Variants in KLF12 observed in about 807,000 individuals in gnomAD.
KLF12 encodes the protein Krueppel-like factor 12.
A neutral mutation model predicts 37.8 loss-of-function variants in KLF12; 9 were observed. The observed-to-expected ratio is 0.24, with a 90% CI of 0.14 to 0.42. The LOEUF (loss-of-function observed/expected upper bound fraction) is 0.42, where lower values mean the gene tolerates loss of function less well. Among genes scored for constraint, KLF12 ranks in the 10% least tolerant of loss-of-function variants. KLF12 has a pLI of 1.00. For synonymous variants in KLF12, 208 were observed against 202.1 expected (o/e 1.03, Z -0.25); for missense variants, 411 against 516.0 (o/e 0.80, Z 1.97).
At chr13:74,288,453 A>G in the KLF12 span, among the ~76,000 whole-genome samples, 1 of 152,206 alleles carries the variant, frequency 6.6e-6, no homozygotes, top group Non-Finnish European at 1.5e-5. Flanking sequence ...GTCATTTTCC[A>G]AAACTTCATT....
chr13:73,813,029 T>C, intron 5 of KLF12, 123 bp downstream of exon 5: 1 of 969,242 alleles, frequency 1.0e-6, no homozygotes, highest in Non-Finnish European at 1.6e-6. Flanking sequence ...AATGAAAAGC[T>C]GCTGACATTC....
At chr13:74,156,530 G>A in the KLF12 span, among the ~76,000 whole-genome samples, 257 of 152,004 alleles carry the variant, frequency 1.7e-3, no homozygotes, top group Non-Finnish European at 3.3e-3. Flanking sequence ...ATTGACTACA[G>A]CCACCTTATT....
At chr13:74,293,799 C>T in the KLF12 span, among the ~76,000 whole-genome samples, 1 of 152,200 alleles carries the variant, frequency 6.6e-6, no homozygotes, top group Non-Finnish European at 1.5e-5. Flanking sequence ...ATGTCAGCAC[C>T]TGTGGCTGCT....
intron 3 of KLF12, among the ~76,000 whole-genome samples, chr13:73,891,843 T>A (rs1367925988): frequency 6.6e-6 from 1 of 152,148 alleles, no homozygotes; most frequent in Non-Finnish European, 1.5e-5. Flanking sequence ...GGATGACTTA[T>A]CTTTATGAGT....
chr13:73,797,341 C>A (rs1221150123), intron 5 of KLF12, among the ~76,000 whole-genome samples: 1 of 152,156 alleles, frequency 6.6e-6, no homozygotes, highest in African/African-American at 2.4e-5. Flanking sequence ...TTATTCAGTT[C>A]AAAGGCATAG....
At chr13:74,022,693 C>T (rs911001690) in intron 1 of KLF12, among the ~76,000 whole-genome samples, 4 of 150,768 alleles carry the variant, frequency 2.7e-5, no homozygotes, top group Admixed American at 2.6e-4. Context: ...AATTGACCCC[C>T]TCTCACCCCA....
intron 2 of KLF12, among the ~76,000 whole-genome samples, chr13:73,990,526 T>G (rs1472850037): frequency 1.3e-5 from 2 of 152,114 alleles, no homozygotes; most frequent in African/African-American, 2.4e-5. Context: ...TAATTACAAT[T>G]AAGAATCATA....
At chr13:73,908,897 A>G (rs1888442031) in intron 3 of KLF12, among the ~76,000 whole-genome samples, 1 of 152,184 alleles carries the variant, frequency 6.6e-6, no homozygotes, top group African/African-American at 2.4e-5. Flanking sequence ...CTACTCCCTA[A>G]AACAGTGCCC....
At chr13:74,068,366 C>A (rs1013087842) in intron 1 of KLF12, among the ~76,000 whole-genome samples, 2 of 152,058 alleles carry the variant, frequency 1.3e-5, no homozygotes, top group African/African-American at 2.4e-5. Flanking sequence ...TAAGAAATAT[C>A]TTCAAAAGTG....
At chr13:73,731,381 A>G (rs1238077305) in intron 6 of KLF12, among the ~76,000 whole-genome samples, 1 of 152,200 alleles carries the variant, frequency 6.6e-6, no homozygotes, top group Admixed American at 6.5e-5. Flanking sequence ...TTAAAAAAAT[A>G]GTAGAAACTA....
chr13:74,125,038 G>A (rs1017692864), intron 1 of KLF12, among the ~76,000 whole-genome samples: 2 of 151,680 alleles, frequency 1.3e-5, no homozygotes, highest in African/African-American at 4.8e-5. Context: ...CCACCTACTC[G>A]GAAGGCTGAA....
Position 73,725,146 on chromosome 13 carries a change from G to A in KLF12, c.870-9621C>T, listed in dbSNP as rs373907804. 3.3e-4 allele frequency among the ~76,000 whole-genome samples: 50 copies of A among 152,162 alleles called. 7 individuals carry two copies. The highest frequency in any genetic ancestry group is 2.0e-3 in the Admixed American group (30 of 15,278). On this transcript the variant is annotated intron_variant, in intron 6 of 7. Transcript: ENST00000377669. ...AGACGGAGTCTTGCTCTGTTGCCAA[G>A]CTGGAGTGCAGTGGTGCAATCTCAG...
the KLF12 span, among the ~76,000 whole-genome samples, chr13:74,293,828 T>A: frequency 6.6e-6 from 1 of 152,216 alleles, no homozygotes; most frequent in Non-Finnish European, 1.5e-5. Context: ...TAGAAACTTC[T>A]GAACATGGTA....
intron 5 of KLF12, among the ~76,000 whole-genome samples, chr13:73,789,882 T>C (rs1881577650): frequency 6.6e-6 from 1 of 152,126 alleles, no homozygotes; most frequent in Non-Finnish European, 1.5e-5. Context: ...TTCACCGTGT[T>C]AGCCAGGATG....
At chr13:74,251,817 G>A in the KLF12 span, among the ~76,000 whole-genome samples, 1 of 152,230 alleles carries the variant, frequency 6.6e-6, no homozygotes, top group East Asian at 1.9e-4. Context: ...AACTTGAAAT[G>A]TAATATTCTT....
chr13:73,768,560 TTC>T (rs1196811584), intron 5 of KLF12, among the ~76,000 whole-genome samples: 1 of 143,454 alleles, frequency 7.0e-6, no homozygotes, highest in East Asian at 2.0e-4. Flanking sequence ...GCTCATTTTT[TTC>T]TGCTCTTTAT....
intron 3 of KLF12, among the ~76,000 whole-genome samples, chr13:73,893,038 A>C (rs562534345): frequency 3.3e-5 from 5 of 152,018 alleles, no homozygotes; most frequent in Non-Finnish European, 5.9e-5. Flanking sequence ...AAAAAAAAAA[A>C]ACCCTTTTCT....
chr13:74,052,557 C>T (rs1254425800), intron 1 of KLF12, among the ~76,000 whole-genome samples: 1 of 152,060 alleles, frequency 6.6e-6, no homozygotes, highest in East Asian at 1.9e-4. Context: ...TTACCCAGCC[C>T]AGCGCCACAC....
chr13:73,951,416 A>G (rs1196516054), intron 2 of KLF12, among the ~76,000 whole-genome samples: 1 of 152,216 alleles, frequency 6.6e-6, no homozygotes, highest in Non-Finnish European at 1.5e-5. Context: ...TCTGTCCAAG[A>G]TTATGAAAAT....
Sources: allele counts gnomAD v4.1 joint callset (sites outside exome capture counted in the v4.1 genomes callset), GRCh38; gene constraint gnomAD v4.1.1; transcripts MANE v1.5; gene names NCBI Gene and HGNC (gene_info 2026-07-23, HGNC 2026-07-21).